ANKS1B: variants seen among roughly 807,000 people sequenced by gnomAD.
The protein encoded by ANKS1B is ankyrin repeat and sterile alpha motif domain-containing protein 1B.
Under a neutral mutation model 148.3 loss-of-function variants are expected in ANKS1B, and 36 were observed. That is an observed-to-expected ratio of 0.24 (90% CI 0.19 to 0.32). ANKS1B has a LOEUF of 0.32. Ranked by LOEUF, ANKS1B falls within the 10% of genes least tolerant of loss-of-function variation. The pLI is 1.00. For synonymous variants in ANKS1B, 542 were observed against 560.8 expected, an observed-to-expected ratio of 0.97 and a Z score of 0.47; for missense variants, 1,157 against 1,542.6, an observed-to-expected ratio of 0.75 and a Z score of 4.19.
intron 25 of ANKS1B, among the ~76,000 whole-genome samples, chr12:98,757,732 T>C (rs1432144801): frequency 6.6e-6 from 1 of 152,266 alleles, no homozygotes; most frequent in Non-Finnish European, 1.5e-5. Context: ...TTACTTTTAT[T>C]ACCTCACGTC....
intron 8 of ANKS1B, among the ~76,000 whole-genome samples, chr12:99,729,819 T>C (rs1302874094): frequency 6.6e-6 from 1 of 152,262 alleles, no homozygotes; most frequent in Non-Finnish European, 1.5e-5. Context: ...CTAGCTGGAC[T>C]ATTTTAGTGA....
intron 17 of ANKS1B, among the ~76,000 whole-genome samples, chr12:99,023,961 A>G (rs2099947288): frequency 6.7e-6 from 1 of 150,162 alleles, no homozygotes; most frequent in African/African-American, 2.4e-5. Flanking sequence ...ACTTTAATTT[A>G]TAGTTAATTT....
chr12:99,446,170 T>C (rs997010701), intron 10 of ANKS1B, among the ~76,000 whole-genome samples: 2 of 151,420 alleles, frequency 1.3e-5, no homozygotes, highest in African/African-American at 2.4e-5. Flanking sequence ...GGACAGAAGA[T>C]AGCTGTGAAA....
chr12:99,701,610 G>T (rs188107066), intron 8 of ANKS1B, among the ~76,000 whole-genome samples: 1 of 151,892 alleles, frequency 6.6e-6, no homozygotes, highest in Non-Finnish European at 1.5e-5. Flanking sequence ...ACCCTGTTGT[G>T]CTATTAAATA....
chr12:99,821,957 C>A (rs1273448330), intron 2 of ANKS1B, among the ~76,000 whole-genome samples: 1 of 151,910 alleles, frequency 6.6e-6, no homozygotes, highest in African/African-American at 2.4e-5. Context: ...CAAAATATTT[C>A]TAAATGAGAT....
chr12:99,763,444 T>A (rs1415459943), intron 8 of ANKS1B, among the ~76,000 whole-genome samples: 1 of 152,092 alleles, frequency 6.6e-6, no homozygotes, highest in Non-Finnish European at 1.5e-5. Flanking sequence ...AAACACTGAA[T>A]ACACATGGAA....
At chr12:99,036,530 A>C (rs1422773722) in intron 17 of ANKS1B, among the ~76,000 whole-genome samples, 3 of 152,190 alleles carry the variant, frequency 2.0e-5, no homozygotes, top group Non-Finnish European at 2.9e-5. Context: ...GCCCATACCC[A>C]CATGCTTGGT....
intron 1 of ANKS1B, among the ~76,000 whole-genome samples, chr12:99,959,431 A>C (rs1310777748): frequency 6.6e-6 from 1 of 151,860 alleles, no homozygotes; most frequent in African/African-American, 2.4e-5. Context: ...TCCCAACTTC[A>C]AGTGAAAAGA....
At chr12:99,534,990 T>G (rs1453120437) in intron 9 of ANKS1B, among the ~76,000 whole-genome samples, 1 of 152,112 alleles carries the variant, frequency 6.6e-6, no homozygotes, top group East Asian at 1.9e-4. Context: ...ATTACAGGCA[T>G]GAGCCACCGC....
At chr12:99,288,196 G>C (rs1252924444) in intron 12 of ANKS1B, among the ~76,000 whole-genome samples, 4 of 152,062 alleles carry the variant, frequency 2.6e-5, no homozygotes. Flanking sequence ...GCATACAAAA[G>C]AACTTCAATA....
At position 99,907,812 on chromosome 12, in the gene ANKS1B, T is replaced by TAAAAAAAAAAAAAAAAAAAA. The variant is rs751468199; in HGVS notation, c.134+76272_134+76291dup. 3.0e-5 allele frequency among the ~76,000 whole-genome samples: 3 copies of TAAAAAAAAAAAAAAAAAAAA among 100,158 alleles called. 1 individual carries two copies. Among genetic ancestry groups the TAAAAAAAAAAAAAAAAAAAA allele is most frequent in the Non-Finnish European group, 1.9e-5 (1 of 51,832 alleles). The allele number at this position is 100,158 out of a possible 152,430, so 65.7% of individuals were successfully genotyped here. The stretch of plus-strand genomic sequence containing the variant: ...GTTTTCTCCTCTCCAGAGAAATTCT[T>TAAAAAAAAAAAAAAAAAAAA]AAAAAAAAAAAAAAAAAAAAAAAAA... On this transcript the variant is annotated intron_variant, in intron 1 of 26. Transcript: ENST00000683438.
intron 8 of ANKS1B, among the ~76,000 whole-genome samples, chr12:99,691,406 T>A (rs1206148750): frequency 6.6e-6 from 1 of 152,190 alleles, no homozygotes; most frequent in African/African-American, 2.4e-5. Flanking sequence ...AGGCTGCAAA[T>A]TTTTCAAACT....
chr12:99,863,662 C>A (rs1264456923), intron 1 of ANKS1B, among the ~76,000 whole-genome samples: 2 of 151,696 alleles, frequency 1.3e-5, no homozygotes, highest in East Asian at 3.9e-4. Flanking sequence ...TTGCAGTGAG[C>A]CAAGATTGCA....
At position 98,753,706 on chromosome 12, in the gene ANKS1B, G is replaced by A. The variant is rs368673405; in HGVS notation, c.3580-2184C>T. Among the ~76,000 whole-genome samples, 8 of 152,300 alleles carry A rather than the reference G, an allele frequency of 5.3e-5. 2 individuals are homozygous for A. The highest frequency in any genetic ancestry group is 1.9e-4 in the East Asian group (1 of 5,182). On this transcript the variant is annotated intron_variant, in intron 25 of 26. Coordinates refer to ENST00000683438, the MANE Select transcript of ANKS1B (RefSeq NM_001352186.2). ...CCTCCAAAGTGCTGGGATTATAGGTGTAAGCCACCGTGCCTGACCATCCAA... is the reference window on the plus strand; with the variant it reads ...CCTCCAAAGTGCTGGGATTATAGGTATAAGCCACCGTGCCTGACCATCCAA...
intron 8 of ANKS1B, among the ~76,000 whole-genome samples, chr12:99,747,848 C>A (rs1453794064): frequency 6.6e-6 from 1 of 152,120 alleles, no homozygotes; most frequent in Non-Finnish European, 1.5e-5. Context: ...TTCTCATAAT[C>A]CTTGCCAAAA....
At chr12:99,558,847 T>A (rs1475588548) in intron 9 of ANKS1B, among the ~76,000 whole-genome samples, 1 of 152,162 alleles carries the variant, frequency 6.6e-6, no homozygotes, top group Non-Finnish European at 1.5e-5. Flanking sequence ...TCCCTGGCCA[T>A]GCTCCACTTC....
intron 9 of ANKS1B, among the ~76,000 whole-genome samples, chr12:99,593,200 G>A (rs1217263589): frequency 4.6e-5 from 7 of 152,002 alleles, no homozygotes; most frequent in Non-Finnish European, 1.0e-4. Context: ...TAAATTTGGA[G>A]TGCCCTGGCC....
At chr12:99,237,396 T>C (rs1049088646) in intron 14 of ANKS1B, among the ~76,000 whole-genome samples, 5 of 152,176 alleles carry the variant, frequency 3.3e-5, no homozygotes, top group African/African-American at 1.2e-4. Flanking sequence ...ACTGAAGTAA[T>C]GCAAATATCT....
At chr12:99,118,058 T>G (rs2061829037) in intron 15 of ANKS1B, among the ~76,000 whole-genome samples, 1 of 152,232 alleles carries the variant, frequency 6.6e-6, no homozygotes, top group Admixed American at 6.5e-5. Context: ...CTTTATCATT[T>G]ATTTAAATAC....
Sources: gnomAD v4.1 joint callset for allele counts (sites outside exome capture counted in the v4.1 genomes callset) on GRCh38, gnomAD v4.1.1 for gene constraint, MANE v1.5 for transcripts, NCBI Gene and HGNC (gene_info 2026-07-23, HGNC 2026-07-21) for gene names.